SAXO1: variants seen among roughly 807,000 people sequenced by gnomAD.
SAXO1 encodes 4930500O09Rik.
Under a neutral mutation model 17.5 loss-of-function variants are expected in SAXO1, and 21 were observed. The observed-to-expected ratio is 1.20, with a 90% CI of 0.85 to 1.72. The LOEUF (loss-of-function observed/expected upper bound fraction) is 1.72. Among genes scored for constraint, SAXO1 ranks in the 40% most tolerant of loss-of-function variants. The probability of loss-of-function intolerance (pLI) is 0.00; values close to 1 mark genes in which losing one functional copy is unlikely to be tolerated. For synonymous variants in SAXO1, 274 were observed against 216.5 expected, an observed-to-expected ratio of 1.27 and a Z score of -2.33; for missense variants, 843 against 596.0, an observed-to-expected ratio of 1.41 and a Z score of -4.32.
At chr9:18,995,316 C>G (rs1833958305) in intron 1 of SAXO1, among the ~76,000 whole-genome samples, 1 of 152,216 alleles carries the variant, frequency 6.6e-6, no homozygotes, top group Non-Finnish European at 1.5e-5. Context: ...CTGGCATCAG[C>G]CAGTCTCACT....
At chr9:18,997,420 T>C (rs1563970191) in intron 1 of SAXO1, among the ~76,000 whole-genome samples, 1 of 152,130 alleles carries the variant, frequency 6.6e-6, no homozygotes, top group Non-Finnish European at 1.5e-5. Context: ...GAGGCTTGAG[T>C]AGGTAGTTCC....
In SAXO1 at chr9:19,012,876, G is replaced by A. The variant is rs186560054; in HGVS notation, c.38+19995C>T. Among the ~76,000 whole-genome samples the A allele has an allele frequency of 3.1e-3, 467 of 152,258 alleles. 2 individuals carry two copies. Among genetic ancestry groups the A allele is most frequent in the Middle Eastern group, 0.01 (3 of 294 alleles). On this transcript the variant is annotated intron_variant, in intron 1 of 3. Coordinates refer to ENST00000380534, the MANE Select transcript of SAXO1 (RefSeq NM_153707.4). ...TTAAGGGAGGCGCTGCGGAGCTCAG[G>A]GGGCTGCTCTCTCAGGGTGCTGACA...
chr9:19,000,642 G>C (rs927040191), intron 1 of SAXO1, among the ~76,000 whole-genome samples: 1 of 152,180 alleles, frequency 6.6e-6, no homozygotes, highest in African/African-American at 2.4e-5. Flanking sequence ...TGACAGCCTT[G>C]TGTGTGATCC....
At chr9:19,029,369 C>T (rs1835656315) in intron 1 of SAXO1, among the ~76,000 whole-genome samples, 1 of 152,152 alleles carries the variant, frequency 6.6e-6, no homozygotes, top group Admixed American at 6.5e-5. Flanking sequence ...CAGAGAGAAC[C>T]AGTGACTCAC....
chr9:19,037,278 A>C (rs1835965449), upstream of SAXO1, among the ~76,000 whole-genome samples: 1 of 152,202 alleles, frequency 6.6e-6, no homozygotes, highest in South Asian at 2.1e-4. Flanking sequence ...GAAATGACTT[A>C]AGACTTTGGA....
chr9:18,935,556 A>T (rs961943557), intron 3 of SAXO1, among the ~76,000 whole-genome samples: 1 of 152,064 alleles, frequency 6.6e-6, no homozygotes, highest in Non-Finnish European at 1.5e-5. Context: ...TGATGAGTTG[A>T]TAGATGGGTT....
chr9:18,937,774 C>G (rs996525874), intron 3 of SAXO1, among the ~76,000 whole-genome samples: 4 of 152,144 alleles, frequency 2.6e-5, no homozygotes, highest in Non-Finnish European at 4.4e-5. Flanking sequence ...CACTGGACAC[C>G]AAACCTATCA....
intron 1 of SAXO1, among the ~76,000 whole-genome samples, chr9:18,962,457 T>C (rs997687005): frequency 6.6e-6 from 1 of 152,232 alleles, no homozygotes; most frequent in East Asian, 1.9e-4. Context: ...TTTTGAGAAG[T>C]GTCTGTTCAC....
chr9:18,945,861 C>G (rs181426817), intron 2 of SAXO1, among the ~76,000 whole-genome samples: 1 of 152,178 alleles, frequency 6.6e-6, no homozygotes, highest in Non-Finnish European at 1.5e-5. Flanking sequence ...GGCTTCATTG[C>G]TTAATTTTCC....
At chr9:19,005,049 T>C (rs1188081290) in intron 1 of SAXO1, among the ~76,000 whole-genome samples, 1 of 152,090 alleles carries the variant, frequency 6.6e-6, no homozygotes, top group Non-Finnish European at 1.5e-5. Context: ...TCAAAAAGAA[T>C]GGAACACTTA....
chr9:19,027,696 T>C, intron 1 of SAXO1: 1 of 1,357,718 alleles, frequency 7.4e-7, no homozygotes. Flanking sequence ...ACTGATGAGC[T>C]GGATGCCATA....
chr9:18,944,039 C>G (rs1831692409), intron 2 of SAXO1, among the ~76,000 whole-genome samples: 1 of 152,220 alleles, frequency 6.6e-6, no homozygotes, highest in Admixed American at 6.5e-5. Context: ...AAAGAGCAGA[C>G]AAAAGCCCAA....
intron 1 of SAXO1, among the ~76,000 whole-genome samples, chr9:18,998,241 T>G (rs189309986): frequency 6.6e-6 from 1 of 152,230 alleles, no homozygotes; most frequent in Admixed American, 6.5e-5. Flanking sequence ...AATGGCTAAC[T>G]AGAATAACCT....
intron 1 of SAXO1, among the ~76,000 whole-genome samples, chr9:19,016,321 G>C (rs567407432): frequency 6.6e-6 from 1 of 152,058 alleles, no homozygotes; most frequent in Non-Finnish European, 1.5e-5. Context: ...CTGTAGTCCC[G>C]GCTACTCAGG....
chr9:18,931,702 A>C (rs1167261111), intron 3 of SAXO1, among the ~76,000 whole-genome samples: 1 of 152,220 alleles, frequency 6.6e-6, no homozygotes, highest in South Asian at 2.1e-4. Flanking sequence ...GTGTTTTTAA[A>C]TTATTATAGA....
At chr9:19,021,731 T>A (rs1001833094) in intron 1 of SAXO1, among the ~76,000 whole-genome samples, 10 of 152,226 alleles carry the variant, frequency 6.6e-5, no homozygotes, top group African/African-American at 2.4e-4. Flanking sequence ...AACTTTTGTG[T>A]CTAGCTAAAG....
At chr9:18,935,439 G>C (rs1831242650) in intron 3 of SAXO1, among the ~76,000 whole-genome samples, 9 of 152,096 alleles carry the variant, frequency 5.9e-5, no homozygotes, top group Admixed American at 5.9e-4. Flanking sequence ...GCCTAACTAG[G>C]GATGATTAGG....
intron 1 of SAXO1, among the ~76,000 whole-genome samples, chr9:19,025,133 TA>T (rs1248551208): frequency 6.6e-6 from 1 of 152,206 alleles, no homozygotes; most frequent in Non-Finnish European, 1.5e-5. Context: ...TAACATAGCT[TA>T]ACATGAAAAG....
chr9:18,961,581 T>C (rs1488965224), intron 1 of SAXO1, among the ~76,000 whole-genome samples: 1 of 151,694 alleles, frequency 6.6e-6, no homozygotes. Flanking sequence ...AGTGGGAACA[T>C]GTGGTGTTTG....
Sources: allele counts gnomAD v4.1 joint callset (sites outside exome capture counted in the v4.1 genomes callset), GRCh38; gene constraint gnomAD v4.1.1; transcripts MANE v1.5; gene names NCBI Gene and HGNC (gene_info 2026-07-23, HGNC 2026-07-21).